Variants in CSMD1 observed in about 807,000 individuals in gnomAD.
CSMD1 encodes the protein CUB and Sushi multiple domains 1, also known as CUB and sushi domain-containing protein 1.
CSMD1 carries 213 observed loss-of-function variants against 417.5 expected under a neutral mutation model. The ratio of observed to expected loss-of-function variants is 0.51; its 90% CI spans 0.46 to 0.57. CSMD1 has a LOEUF of 0.57. Ranked by LOEUF, CSMD1 falls within the 20% of genes least tolerant of loss-of-function variation. CSMD1 has a pLI of 0.00. For synonymous variants in CSMD1, 2,862 were observed against 1,736.8 expected (o/e 1.65, Z -16.11); for missense variants, 6,923 against 4,529.7 (o/e 1.53, Z -15.17).
chr8:3,641,212 G>C (rs540565252), intron 7 of CSMD1, among the ~76,000 whole-genome samples: 1 of 151,900 alleles, frequency 6.6e-6, no homozygotes, highest in Admixed American at 6.6e-5. Flanking sequence ...GCCTTTTCCA[G>C]ACTTTCCACT....
At position 4,263,064 on chromosome 8, in the gene CSMD1, A is replaced by G. The variant is rs554278373; in HGVS notation, c.415+156889T>C. Among the ~76,000 whole-genome samples, 5 of 152,270 alleles carry G rather than the reference A, an allele frequency of 3.3e-5. No individual in the cohort carries two copies. In the South Asian group the frequency reaches 1.0e-3, roughly 32 times the overall value. Reference sequence around the variant, plus strand: ...GAACAGAATTGTATTCTCTATGAGAACACTTTTAATGAGATATATTAATTT... The same window carrying G: ...GAACAGAATTGTATTCTCTATGAGAGCACTTTTAATGAGATATATTAATTT... On this transcript the variant is annotated intron_variant, in intron 3 of 69. Transcript: ENST00000635120.
chr8:3,282,874 G>A (rs917228306), intron 26 of CSMD1, among the ~76,000 whole-genome samples: 1 of 152,150 alleles, frequency 6.6e-6, no homozygotes, highest in East Asian at 1.9e-4. Context: ...GAGCTGCCAA[G>A]AGATAAATTG....
At chr8:3,546,308 G>A (rs372109685) in intron 10 of CSMD1, among the ~76,000 whole-genome samples, 113 of 152,162 alleles carry the variant, frequency 7.4e-4, no homozygotes, top group African/African-American at 2.5e-3. Flanking sequence ...GGCCAAGGTG[G>A]GGGGATCATG....
At chr8:3,977,238 C>G (rs922186409) in intron 5 of CSMD1, among the ~76,000 whole-genome samples, 6 of 152,136 alleles carry the variant, frequency 3.9e-5, no homozygotes. Context: ...CTCCTTGCTA[C>G]ATTCCACCTA....
chr8:3,573,668 G>C (rs1181356329), intron 10 of CSMD1, among the ~76,000 whole-genome samples: 3 of 152,070 alleles, frequency 2.0e-5, no homozygotes, highest in Admixed American at 1.3e-4. Context: ...TTTTAGAACT[G>C]GCAACCCAAC....
chr8:4,446,260 G>A (rs1459504320), intron 2 of CSMD1, among the ~76,000 whole-genome samples: 3 of 152,158 alleles, frequency 2.0e-5, no homozygotes, highest in Non-Finnish European at 4.4e-5. Flanking sequence ...CTTGAAGAGT[G>A]GACCCAGCTG....
intron 5 of CSMD1, among the ~76,000 whole-genome samples, chr8:3,865,606 C>T (rs947771712): frequency 3.9e-5 from 6 of 152,082 alleles, no homozygotes; most frequent in Non-Finnish European, 5.9e-5. Flanking sequence ...CAGCAAAGCG[C>T]CAATGTGTTA....
At chr8:3,020,717 C>A (rs967077525) in intron 51 of CSMD1, among the ~76,000 whole-genome samples, 1 of 152,098 alleles carries the variant, frequency 6.6e-6, no homozygotes, top group Non-Finnish European at 1.5e-5. Context: ...AATGTTCAGA[C>A]AGAGACACCC....
Position 3,303,630 on chromosome 8 carries a change from A to C in CSMD1, c.3950+4065T>G, listed in dbSNP as rs1411089897. ...AGACAATTACACTGGCAGAAAAGCA[A>C]TTAAAGCTTAGGAACAGTGTACACA... On this transcript the variant is annotated intron_variant, in intron 25 of 69. Transcript: ENST00000635120. 3.3e-5 allele frequency among the ~76,000 whole-genome samples: 5 copies of C among 152,240 alleles called. No homozygotes were observed. The East Asian group carries it at 9.6e-4, about 29-fold the overall frequency.
At chr8:3,171,901 T>G (rs991695035) in intron 37 of CSMD1, among the ~76,000 whole-genome samples, 1 of 152,140 alleles carries the variant, frequency 6.6e-6, no homozygotes, top group Non-Finnish European at 1.5e-5. Context: ...GCATCCTGTG[T>G]CTCTATATTT....
chr8:4,468,960 G>C (rs1800355383), intron 2 of CSMD1, among the ~76,000 whole-genome samples: 1 of 152,112 alleles, frequency 6.6e-6, no homozygotes, highest in African/African-American at 2.4e-5. Flanking sequence ...AGACCTTCAA[G>C]AGCATGATGT....
intron 6 of CSMD1, among the ~76,000 whole-genome samples, chr8:3,712,149 T>G (rs1474212628): frequency 1.0e-5 from 1 of 98,626 alleles, no homozygotes; most frequent in Non-Finnish European, 2.3e-5. Context: ...AGTTGTAATT[T>G]GTTTCAAGTT....
chr8:4,191,457 T>G (rs79893512), intron 3 of CSMD1, among the ~76,000 whole-genome samples: 1 of 151,974 alleles, frequency 6.6e-6, no homozygotes, highest in Non-Finnish European at 1.5e-5. Flanking sequence ...TAAAAAAAAT[T>G]GAACAAGATA....
At chr8:3,841,644 G>C (rs757421064) in intron 5 of CSMD1, among the ~76,000 whole-genome samples, 1 of 151,952 alleles carries the variant, frequency 6.6e-6, no homozygotes, top group Non-Finnish European at 1.5e-5. Context: ...CACATTTTTA[G>C]AGGTTCAAAT....
rs867638173 is a variant in CSMD1, at chr8:3,262,226, T to C, written c.4153+21918A>G. On this transcript the variant is annotated intron_variant, in intron 26 of 69. Transcript: ENST00000635120. The stretch of plus-strand genomic sequence containing the variant: ...ATATATATATATATATATATATATA[T>C]ATATACACACACATAGTTAATTTCA... 5.0e-3 allele frequency among the ~76,000 whole-genome samples: 563 copies of C among 112,306 alleles called. 15 individuals are homozygous for C. Among genetic ancestry groups the C allele is most frequent in the South Asian group, 0.036 (126 of 3,470 alleles). The allele number at this position is 112,306 out of a possible 152,430, so 73.7% of individuals were successfully genotyped here. A position where few individuals can be genotyped will look rare whatever the true frequency, so the allele number is the denominator to read the frequency against.
intron 12 of CSMD1, among the ~76,000 whole-genome samples, chr8:3,449,077 C>T (rs1437033897): frequency 6.6e-6 from 1 of 151,438 alleles, no homozygotes; most frequent in Non-Finnish European, 1.5e-5. Flanking sequence ...AACTTGTTGC[C>T]TGTCTTCCAA....
intron 7 of CSMD1, among the ~76,000 whole-genome samples, chr8:3,655,193 G>A (rs1388860113): frequency 1.3e-5 from 2 of 151,986 alleles, no homozygotes; most frequent in Non-Finnish European, 2.9e-5. Flanking sequence ...ATTATTTTTT[G>A]GTCAAAACCA....
At position 3,423,546 on chromosome 8, in the gene CSMD1, G is replaced by C. The variant is rs142926955; in HGVS notation, c.1562-13941C>G. 3.2e-3 allele frequency among the ~76,000 whole-genome samples: 493 copies of C among 152,162 alleles called. 13 individuals are homozygous for C. The highest frequency in any genetic ancestry group is 0.024 in the Admixed American group (361 of 15,286). ...GTTGCTCAATGGTCCTCCACTGTGT[G>C]GCTTTGGCACCATTTGTCTATCTTA... On this transcript the variant is annotated intron_variant, in intron 12 of 69. Coordinates refer to ENST00000635120, the MANE Select transcript of CSMD1 (RefSeq NM_033225.6).
chr8:3,499,962 G>A (rs1271669016), intron 10 of CSMD1, among the ~76,000 whole-genome samples: 1 of 152,116 alleles, frequency 6.6e-6, no homozygotes, highest in Admixed American at 6.5e-5. Context: ...TGGGCTGCAG[G>A]TAGCTCCCTA....
Sources: allele counts gnomAD v4.1 joint callset (sites outside exome capture counted in the v4.1 genomes callset), GRCh38; gene constraint gnomAD v4.1.1; transcripts MANE v1.5; gene names NCBI Gene and HGNC (gene_info 2026-07-23, HGNC 2026-07-21).